Variants in CMIP observed in about 807,000 individuals in gnomAD.
CMIP encodes C-Maf-inducing protein.
A neutral mutation model predicts 97.3 loss-of-function variants in CMIP; 13 were observed. The observed-to-expected ratio is 0.13, with a 90% confidence interval of 0.09 to 0.21. The LOEUF is 0.21. Ranked by LOEUF, CMIP falls within the 10% of genes least tolerant of loss-of-function variation. The pLI is 1.00. For synonymous variants in CMIP, 538 were observed against 436.3 expected (o/e 1.23, Z -2.91); for missense variants, 847 against 1,024.9 (o/e 0.83, Z 2.37).
chr16:81,610,554 C>T (rs565140211), intron 2 of CMIP: 188 of 985,176 alleles, frequency 1.9e-4, no homozygotes, highest in South Asian at 6.6e-4. Flanking sequence ...GGTGCAGCCC[C>T]TGCCCCTGGC....
rs138682986 is a variant in CMIP at position 81,639,487 on chromosome 16, G to A, written c.478-12716G>A. Among the ~76,000 whole-genome samples the A allele has an allele frequency of 7.2e-5, 11 of 152,236 alleles. No individual in the cohort carries two copies. In the East Asian group the frequency reaches 1.9e-3, roughly 27 times the overall value. On this transcript the variant is annotated intron_variant, in intron 3 of 20. Transcript: ENST00000537098. Reference sequence around the variant, plus strand: ...TTTGTCTACTCTAGGGACCTCATATGCGTGGAATCACACAAGATTTGGCCT... The same window carrying A: ...TTTGTCTACTCTAGGGACCTCATATACGTGGAATCACACAAGATTTGGCCT...
At chr16:81,667,287 C>G (rs2092614364) in intron 7 of CMIP, 1 of 152,272 alleles carries the variant, frequency 6.6e-6, no homozygotes, top group South Asian at 2.1e-4. Flanking sequence ...GGAAGCGGTT[C>G]TTTAGTATGT....
chr16:81,613,075 G>A (rs547011407), intron 2 of CMIP, among the ~76,000 whole-genome samples: 1 of 152,322 alleles, frequency 6.6e-6, no homozygotes, highest in East Asian at 1.9e-4. Flanking sequence ...TTGCCTAGCA[G>A]CGTATGTCCT....
chr16:81,513,554 G>C (rs2089853752), intron 1 of CMIP, among the ~76,000 whole-genome samples: 1 of 152,208 alleles, frequency 6.6e-6, no homozygotes, highest in South Asian at 2.1e-4. Flanking sequence ...TCCTGGGGCT[G>C]AGCCGGCGTG....
At chr16:81,521,828 G>A (rs1311153608) in intron 1 of CMIP, among the ~76,000 whole-genome samples, 1 of 152,172 alleles carries the variant, frequency 6.6e-6, no homozygotes, top group Non-Finnish European at 1.5e-5. Context: ...GGAGTTGGCC[G>A]AGATTAGGGA....
intron 10 of CMIP, among the ~76,000 whole-genome samples, chr16:81,687,734 G>A (rs537220084): frequency 1.7e-4 from 26 of 152,178 alleles, no homozygotes; most frequent in Non-Finnish European, 3.2e-4. Flanking sequence ...CTGAGACGCC[G>A]GCGAGTTCTC....
chr16:81,701,846 G>A, intron 16 of CMIP, 46 bp downstream of exon 16: 1 of 1,603,344 alleles, frequency 6.2e-7, no homozygotes, highest in Non-Finnish European at 8.5e-7. Flanking sequence ...CAGCAGGCCA[G>A]GGGGGGCCAG....
chr16:81,496,904 G>A (rs918110130), intron 1 of CMIP, among the ~76,000 whole-genome samples: 1 of 152,272 alleles, frequency 6.6e-6, no homozygotes, highest in Non-Finnish European at 1.5e-5. Flanking sequence ...GCAGTGCCCG[G>A]GACACCCACC....
At chr16:81,573,540 T>C (rs758160764) in intron 1 of CMIP, among the ~76,000 whole-genome samples, 1 of 152,106 alleles carries the variant, frequency 6.6e-6, no homozygotes, top group Non-Finnish European at 1.5e-5. Context: ...AAGCTCATAT[T>C]TGATGGTTAA....
chr16:81,706,821 G>C (rs534542078), intron 19 of CMIP, among the ~76,000 whole-genome samples, 193 bp from the exon 20 acceptor site: 2 of 152,180 alleles, frequency 1.3e-5, no homozygotes, highest in Non-Finnish European at 2.9e-5. Flanking sequence ...GTTCAGACCA[G>C]CACGTGCCTG....
chr16:81,602,710 A>T (rs1355098972), intron 1 of CMIP, among the ~76,000 whole-genome samples: 1 of 152,100 alleles, frequency 6.6e-6, no homozygotes, highest in Non-Finnish European at 1.5e-5. Flanking sequence ...TAGGAAAAAA[A>T]TTTTTCGTCT....
intron 1 of CMIP, among the ~76,000 whole-genome samples, chr16:81,483,412 C>T (rs540900931): frequency 4.6e-5 from 7 of 152,248 alleles, no homozygotes; most frequent in African/African-American, 1.2e-4. Context: ...CTCTGTGAGT[C>T]ACTAGTGGGG....
chr16:81,451,880 T>C (rs1299018330), intron 1 of CMIP, among the ~76,000 whole-genome samples: 1 of 152,222 alleles, frequency 6.6e-6, no homozygotes, highest in African/African-American at 2.4e-5. Flanking sequence ...TGAGAGTTTC[T>C]CTTCCTTGCT....
intron 1 of CMIP, among the ~76,000 whole-genome samples, chr16:81,525,893 T>G (rs1039264921): frequency 2.6e-5 from 4 of 152,252 alleles, no homozygotes; most frequent in Non-Finnish European, 5.9e-5. Context: ...TGGCTTATTT[T>G]ACTTAGCGTA....
intron 1 of CMIP, among the ~76,000 whole-genome samples, chr16:81,591,404 T>G (rs2091464975): frequency 6.6e-6 from 1 of 152,226 alleles, no homozygotes; most frequent in South Asian, 2.1e-4. Context: ...GTACTGGGGT[T>G]GAGGCGTGTC....
At chr16:81,498,800 A>G (rs1035126059) in intron 1 of CMIP, among the ~76,000 whole-genome samples, 1 of 152,144 alleles carries the variant, frequency 6.6e-6, no homozygotes, top group Non-Finnish European at 1.5e-5. Flanking sequence ...ATCCGTGCAC[A>G]CCCAGCCCAT....
At chr16:81,509,015 C>G (rs1033678643) in intron 1 of CMIP, among the ~76,000 whole-genome samples, 12 of 152,212 alleles carry the variant, frequency 7.9e-5, no homozygotes, top group African/African-American at 2.9e-4. Context: ...TTCCCTTTCC[C>G]TTAGCCTTAA....
At chr16:81,675,185 C>T (rs1904288838) in intron 9 of CMIP, among the ~76,000 whole-genome samples, 1 of 151,980 alleles carries the variant, frequency 6.6e-6, no homozygotes, top group South Asian at 2.1e-4. Context: ...AGGTGCCATT[C>T]GTCACAGTGT....
At chr16:81,471,247 C>A (rs962210993) in intron 1 of CMIP, among the ~76,000 whole-genome samples, 2 of 152,072 alleles carry the variant, frequency 1.3e-5, no homozygotes, top group Admixed American at 1.3e-4. Context: ...CATAGAAATA[C>A]ATATACACAT....
Sources: allele counts gnomAD v4.1 joint callset (sites outside exome capture counted in the v4.1 genomes callset), GRCh38; gene constraint gnomAD v4.1.1; transcripts MANE v1.5; gene names NCBI Gene and HGNC (gene_info 2026-07-23, HGNC 2026-07-21).